Variants in CAMK1D observed in about 807,000 individuals in gnomAD.
CAMK1D encodes calcium/calmodulin dependent protein kinase ID.
In CAMK1D, 9 loss-of-function variants were observed where a neutral mutation model predicts 47.7. The observed-to-expected ratio is 0.19, with a 90% confidence interval of 0.11 to 0.33. The LOEUF (loss-of-function observed/expected upper bound fraction) is 0.33. Among genes scored for constraint, CAMK1D ranks in the 10% least tolerant of loss-of-function variants. The pLI, the probability that CAMK1D is intolerant of heterozygous loss-of-function variation, is 1.00. For missense variants in CAMK1D, 291 were observed against 488.7 expected (o/e 0.60, Z 3.81); for synonymous variants, 184 against 184.9 (o/e 0.99, Z 0.04).
intron 1 of CAMK1D, among the ~76,000 whole-genome samples, chr10:12,369,327 A>G (rs968937958): frequency 1.3e-5 from 2 of 152,210 alleles, no homozygotes; most frequent in African/African-American, 4.8e-5. Context: ...ATCAGATAGG[A>G]TGGATTGAGT....
At chr10:12,427,704 T>TTTTTTTTTTTTTTTTTTG (rs1840290981) in intron 1 of CAMK1D, among the ~76,000 whole-genome samples, 1 of 97,394 alleles carries the variant, frequency 1.0e-5, no homozygotes, top group Non-Finnish European at 2.1e-5. Context: ...CTTACTGTTT[T>TTTTTTTTTTTTTTTTTTG]TTTTTTTTTT....
intron 6 of CAMK1D, among the ~76,000 whole-genome samples, chr10:12,807,066 A>C (rs1167094008): frequency 6.6e-6 from 1 of 152,120 alleles, no homozygotes; most frequent in African/African-American, 2.4e-5. Context: ...CCCGGTTTTC[A>C]TGCATGTGCT....
At chr10:12,362,488 GTTTT>G (rs1040253239) in intron 1 of CAMK1D, among the ~76,000 whole-genome samples, 1 of 108,942 alleles carries the variant, frequency 9.2e-6, no homozygotes, top group Non-Finnish European at 2.1e-5. Context: ...TGTACTTTTT[GTTTT>G]TTGTTTTTTG....
At chr10:12,530,764 A>G (rs1311526260) in intron 1 of CAMK1D, among the ~76,000 whole-genome samples, 1 of 152,116 alleles carries the variant, frequency 6.6e-6, no homozygotes, top group Non-Finnish European at 1.5e-5. Context: ...GGTAATCAGA[A>G]GTTGAGATTA....
At chr10:12,732,644 T>A (rs975344924) in intron 3 of CAMK1D, among the ~76,000 whole-genome samples, 7 of 150,196 alleles carry the variant, frequency 4.7e-5, no homozygotes, top group Non-Finnish European at 8.8e-5. Flanking sequence ...ACAGGAAAGA[T>A]GGGCCCCCAT....
intron 3 of CAMK1D, among the ~76,000 whole-genome samples, chr10:12,755,469 C>T (rs980432063): frequency 6.6e-6 from 1 of 152,202 alleles, no homozygotes; most frequent in Admixed American, 6.5e-5. Flanking sequence ...CATACGTGTG[C>T]ATGTGTCTTT....
chr10:12,764,478 C>A (rs1352504912), intron 4 of CAMK1D, among the ~76,000 whole-genome samples: 1 of 140,184 alleles, frequency 7.1e-6, no homozygotes, highest in Non-Finnish European at 1.5e-5. Flanking sequence ...TTTTATTGAC[C>A]CAGATGAATC....
At chr10:12,743,346 C>CAAAAA (rs199673328) in intron 3 of CAMK1D, among the ~76,000 whole-genome samples, 1 of 92,398 alleles carries the variant, frequency 1.1e-5, no homozygotes, top group African/African-American at 5.4e-5. Context: ...GACCCTGTCT[C>CAAAAA]AAAAAAAAAA....
chr10:12,507,908 C>T (rs747618519), intron 1 of CAMK1D, among the ~76,000 whole-genome samples: 1 of 152,142 alleles, frequency 6.6e-6, no homozygotes, highest in Admixed American at 6.5e-5. Flanking sequence ...CCTCTTCTCT[C>T]ATCCCTCTCT....
At chr10:12,775,118 G>A in intron 5 of CAMK1D, among the ~76,000 whole-genome samples, 1 of 2,830 alleles carries the variant, frequency 3.5e-4, no homozygotes, top group Non-Finnish European at 6.6e-4. Context: ...GAAGGCTCAG[G>A]CATTGATCAG....
At chr10:12,812,431 C>CA (rs1300290693) in intron 6 of CAMK1D, among the ~76,000 whole-genome samples, 3 of 152,142 alleles carry the variant, frequency 2.0e-5, no homozygotes, top group Admixed American at 6.5e-5. Context: ...GCCTGGCCAA[C>CA]ATGGCGAAAC....
chr10:12,690,693 A>G (rs1469485056), intron 3 of CAMK1D, among the ~76,000 whole-genome samples: 1 of 152,160 alleles, frequency 6.6e-6, no homozygotes, highest in Non-Finnish European at 1.5e-5. Context: ...TTATGAGGAA[A>G]GATTGTTTAT....
At chr10:12,666,133 C>T (rs543547681) in intron 2 of CAMK1D, among the ~76,000 whole-genome samples, 33 of 151,758 alleles carry the variant, frequency 2.2e-4, no homozygotes, top group Non-Finnish European at 2.2e-4. Flanking sequence ...TAGCACTGAT[C>T]TAGTTTGCTT....
At chr10:12,608,091 A>C (rs924453489) in intron 2 of CAMK1D, among the ~76,000 whole-genome samples, 9 of 152,316 alleles carry the variant, frequency 5.9e-5, no homozygotes, top group Middle Eastern at 3.4e-3. Context: ...TCATCAAAGA[A>C]AATGTACAGA....
intron 3 of CAMK1D, among the ~76,000 whole-genome samples, chr10:12,714,729 T>C (rs1170373456): frequency 2.2e-5 from 3 of 138,708 alleles, no homozygotes; most frequent in Admixed American, 7.3e-5. Flanking sequence ...AAAAAATAAA[T>C]AAGTAAATAA....
At chr10:12,573,406 C>T (rs573644962) in intron 2 of CAMK1D, among the ~76,000 whole-genome samples, 6 of 140,198 alleles carry the variant, frequency 4.3e-5, no homozygotes, top group Admixed American at 6.8e-5. Context: ...CTAGCATTGC[C>T]GAGATGCACT....
At chr10:12,385,390 C>T (rs1243392381) in intron 1 of CAMK1D, among the ~76,000 whole-genome samples, 1 of 152,186 alleles carries the variant, frequency 6.6e-6, no homozygotes, top group Non-Finnish European at 1.5e-5. Flanking sequence ...GTGTACGTAT[C>T]CATACAATGA....
At chr10:12,492,884 T>A (rs900440146) in intron 1 of CAMK1D, among the ~76,000 whole-genome samples, 12 of 152,158 alleles carry the variant, frequency 7.9e-5, no homozygotes, top group African/African-American at 2.9e-4. Flanking sequence ...CGTTACTTTC[T>A]TGGTATAGGA....
chr10:12,609,232 C>T (rs1461428041), intron 2 of CAMK1D, among the ~76,000 whole-genome samples: 1 of 152,190 alleles, frequency 6.6e-6, no homozygotes, highest in East Asian at 1.9e-4. Flanking sequence ...CTGTGAGGAA[C>T]ACGAACATTT....
Sources: gnomAD v4.1 joint callset for allele counts (sites outside exome capture counted in the v4.1 genomes callset) on GRCh38, gnomAD v4.1.1 for gene constraint, MANE v1.5 for transcripts, NCBI Gene and HGNC (gene_info 2026-07-23, HGNC 2026-07-21) for gene names.